The following TENM3 variants were observed in gnomAD, a reference collection of about 807,000 sequenced individuals.
The protein encoded by TENM3 is teneurin transmembrane protein 3.
Under a neutral mutation model 255.1 loss-of-function variants are expected in TENM3, and 63 were observed. The ratio of observed to expected loss-of-function variants is 0.25; its 90% CI spans 0.20 to 0.30. The LOEUF is 0.30. TENM3 is among the 10% of genes least tolerant of loss of function. The pLI is 1.00. For synonymous variants in TENM3, 1,306 were observed against 1,322.3 expected (o/e 0.99, Z 0.27); for missense variants, 2,929 against 3,461.1 (o/e 0.85, Z 3.86).
chr4:182,682,164 A>G (rs1756229922), intron 11 of TENM3, 150 bp downstream of exon 11: 1 of 713,320 alleles, frequency 1.4e-6, no homozygotes, highest in Non-Finnish European at 2.3e-6. Context: ...AATGATATGT[A>G]GTTGCCTTAT....
chr4:182,069,122 C>T, the TENM3 span, among the ~76,000 whole-genome samples: 7 of 152,096 alleles, frequency 4.6e-5, no homozygotes, highest in Non-Finnish European at 8.8e-5. Flanking sequence ...ATAAAACTAA[C>T]TAGTTCCATG....
intron 13 of TENM3, among the ~76,000 whole-genome samples, chr4:182,716,376 G>A (rs1759172258): frequency 6.6e-6 from 1 of 151,996 alleles, no homozygotes; most frequent in Admixed American, 6.6e-5. Context: ...ACTGTGAATT[G>A]GCCTCATTCC....
At chr4:181,581,422 CAGAG>C in the TENM3 span, among the ~76,000 whole-genome samples, 1 of 152,036 alleles carries the variant, frequency 6.6e-6, no homozygotes, top group African/African-American at 2.4e-5. Context: ...GCCTGGGCGA[CAGAG>C]AGAGACTCCA....
intron 22 of TENM3, among the ~76,000 whole-genome samples, chr4:182,769,439 A>AG (rs1419372338): frequency 6.6e-6 from 1 of 152,134 alleles, no homozygotes; most frequent in Non-Finnish European, 1.5e-5. Context: ...GAAAAAAAAA[A>AG]AAATGATGTG....
chr4:182,376,006 G>T lies in TENM3; in HGVS notation c.511+29077G>T, dbSNP rs1182633832. Reference sequence around the variant, plus strand: ...ATTCACTAGATTTCCTTTCCTAAATGATTTATACACTTGCATAACTGGAAA... The same window carrying T: ...ATTCACTAGATTTCCTTTCCTAAATTATTTATACACTTGCATAACTGGAAA... On this transcript the variant is annotated intron_variant, in intron 3 of 27. Coordinates refer to ENST00000511685, the MANE Select transcript of TENM3 (RefSeq NM_001080477.4). Among the ~76,000 whole-genome samples, 3 of 152,046 alleles carry T rather than the reference G, an allele frequency of 2.0e-5. No individual in the cohort carries two copies. In the East Asian group the frequency reaches 5.8e-4, roughly 29 times the overall value.
At chr4:182,461,162 A>C (rs2151389168) in intron 3 of TENM3, among the ~76,000 whole-genome samples, 1 of 152,290 alleles carries the variant, frequency 6.6e-6, no homozygotes, top group South Asian at 2.1e-4. Flanking sequence ...TCCTGCCTTA[A>C]ACTTTTCTCT....
chr4:182,289,643 G>A (rs1261160417), intron 1 of TENM3, among the ~76,000 whole-genome samples: 1 of 152,216 alleles, frequency 6.6e-6, no homozygotes, highest in Non-Finnish European at 1.5e-5. Context: ...ATAAGCCAAT[G>A]AGATCAATTT....
intron 1 of TENM3, among the ~76,000 whole-genome samples, chr4:182,320,284 G>C (rs141647592): frequency 6.6e-6 from 1 of 152,322 alleles, no homozygotes; most frequent in East Asian, 1.9e-4. Context: ...TGGTGGCTTA[G>C]AACAACAGGA....
intron 1 of TENM3, among the ~76,000 whole-genome samples, chr4:182,263,061 T>C (rs916042238): frequency 2.6e-5 from 4 of 152,118 alleles, no homozygotes; most frequent in Non-Finnish European, 5.9e-5. Flanking sequence ...AAGCCTCTCT[T>C]GGGGTCTGGA....
chr4:181,803,477 G>A, the TENM3 span, among the ~76,000 whole-genome samples: 669 of 152,284 alleles, frequency 4.4e-3, 8 homozygotes, highest in African/African-American at 0.015. Flanking sequence ...CATTTTACCT[G>A]AGGTGACCTC....
intron 4 of TENM3, among the ~76,000 whole-genome samples, 152 bp downstream of exon 4, chr4:182,601,313 A>AT (rs142717913): frequency 0.037 from 5,636 of 151,860 alleles, 353 homozygotes; most frequent in African/African-American, 0.13. Flanking sequence ...GATTGTTGTG[A>AT]TTTTTTTAGT....
chr4:181,605,528 A>T, the TENM3 span, among the ~76,000 whole-genome samples: 2,239 of 26,466 alleles, frequency 0.085, 294 homozygotes, highest in Non-Finnish European at 0.14. Flanking sequence ...GAAAGAAAGA[A>T]AGAAAGAAAG....
At chr4:181,910,617 CGTGTGTGTGTGTATGTGTGTGTGTGT>C in the TENM3 span, among the ~76,000 whole-genome samples, 4 of 143,036 alleles carry the variant, frequency 2.8e-5, no homozygotes, top group Admixed American at 7.0e-5. Flanking sequence ...TATAAATACA[CGTGTGTGTGTGTATGTGTGTGTGTGT>C]GTGTGTGTGT....
At chr4:182,478,920 G>GGT (rs1733931703) in intron 3 of TENM3, among the ~76,000 whole-genome samples, 1 of 151,982 alleles carries the variant, frequency 6.6e-6, no homozygotes, top group Non-Finnish European at 1.5e-5. Flanking sequence ...TTTAGGAATG[G>GGT]AAGACTTTTA....
chr4:182,749,512 G>T lies in TENM3; in HGVS notation c.3630-2288G>T, dbSNP rs117978684. 9.7e-4 allele frequency among the ~76,000 whole-genome samples: 148 copies of T among 152,246 alleles called. No homozygotes were observed. In the East Asian group the frequency reaches 0.026, roughly 27 times the overall value. ...CAGGACAAAAGCGAGTATAAGGACG[G>T]TTAATTCTTAGTGAGTATGTAGTAT... On this transcript the variant is annotated intron_variant, in intron 19 of 27. Coordinates refer to ENST00000511685, the MANE Select transcript of TENM3 (RefSeq NM_001080477.4).
At chr4:182,486,706 A>T (rs967711564) in intron 3 of TENM3, among the ~76,000 whole-genome samples, 1 of 152,180 alleles carries the variant, frequency 6.6e-6, no homozygotes. Context: ...AAGAGTTTCC[A>T]TCTGGACTGT....
chr4:181,573,416 A>C, the TENM3 span, among the ~76,000 whole-genome samples: 1 of 151,936 alleles, frequency 6.6e-6, no homozygotes, highest in South Asian at 2.1e-4. Flanking sequence ...GTCTTTCTTA[A>C]ATTTTTTTTT....
the TENM3 span, among the ~76,000 whole-genome samples, chr4:181,757,889 T>C: frequency 6.6e-6 from 1 of 152,224 alleles, no homozygotes; most frequent in Non-Finnish European, 1.5e-5. Flanking sequence ...AGCATCTGTT[T>C]TCTTGCCTTC....
At chr4:181,629,436 C>A in the TENM3 span, among the ~76,000 whole-genome samples, 6 of 152,216 alleles carry the variant, frequency 3.9e-5, no homozygotes, top group East Asian at 1.2e-3. Flanking sequence ...GGAATGCTTC[C>A]AGTTTTTGCC....
Sources: allele counts gnomAD v4.1 joint callset (sites outside exome capture counted in the v4.1 genomes callset), GRCh38; gene constraint gnomAD v4.1.1; transcripts MANE v1.5; gene names NCBI Gene and HGNC (gene_info 2026-07-23, HGNC 2026-07-21).